Variants in MS4A15 observed in about 807,000 individuals in gnomAD.
MS4A15 encodes membrane spanning 4-domains A15, also known as membrane-spanning 4-domains subfamily A member 15.
A neutral mutation model predicts 20.6 loss-of-function variants in MS4A15; 22 were observed. The observed-to-expected ratio is 1.07, with a 90% CI of 0.76 to 1.52. The LOEUF is 1.52. MS4A15 is among the 40% of genes most tolerant of loss of function. MS4A15 has a pLI of 0.00. For missense variants in MS4A15, 312 were observed against 323.0 expected, an observed-to-expected ratio of 0.97 and a Z score of 0.26; for synonymous variants, 129 against 129.3, an observed-to-expected ratio of 1.00 and a Z score of 0.02.
Position 60,773,939 on chromosome 11 carries a change from C to G in MS4A15, c.601C>G (p.Gln201Glu). 1 of 1,613,650 alleles carries G rather than the reference C, an allele frequency of 6.2e-7. No individual in the cohort carries two copies. The highest frequency in any genetic ancestry group is 8.5e-7 in the Non-Finnish European group (1 of 1,179,640). The change falls in exon 6 of 7, where the codon CAG becomes GAG. Residue 201 changes from glutamine (Q) to glutamate (E), a missense_variant. Physicochemically the swap from Gln to Glu is conservative, Grantham distance 29. Transcript: ENST00000405633. ...MHFGCQAIHA[Q>E]ASAPVIFLPN... The stretch of plus-strand genomic sequence containing the variant: ...CTTCGGGTGCCAAGCCATCCATGCC[C>G]AGGCCAGTGCAGTGAGTACCCCCAC...
In MS4A15 at chr11:60,759,900, C is replaced by G. The variant is rs1034811714; in HGVS notation, c.-29+2842C>G. The stretch of plus-strand genomic sequence containing the variant: ...TGTTCACCCTGTTCTTCTGCCGCAC[C>G]CCCCATGCCAAGATAGTGAAAATAG... On this transcript the variant is annotated intron_variant, in intron 1 of 6. Transcript: ENST00000405633. Among the ~76,000 whole-genome samples the G allele has an allele frequency of 1.3e-5, 2 of 152,132 alleles. 1 individual carries two copies. The highest frequency in any genetic ancestry group is 4.1e-4 in the South Asian group (2 of 4,826).
chr11:60,767,017 A>T (rs1207543223), intron 2 of MS4A15, among the ~76,000 whole-genome samples: 3 of 152,224 alleles, frequency 2.0e-5, no homozygotes, highest in African/African-American at 7.2e-5. Context: ...CTGGGCATAG[A>T]CTAGTAGGGT....
intron 1 of MS4A15, among the ~76,000 whole-genome samples, chr11:60,759,437 G>C (rs1853675968): frequency 6.6e-6 from 1 of 152,226 alleles, no homozygotes; most frequent in Admixed American, 6.5e-5. Context: ...AGAAAGCCTG[G>C]GTGTTGTCCA....
chr11:60,762,452 T>C (rs1590975736), intron 1 of MS4A15, among the ~76,000 whole-genome samples: 1 of 152,312 alleles, frequency 6.6e-6, no homozygotes, highest in South Asian at 2.1e-4. Context: ...TTCCCACTCT[T>C]AAGTGTAAAT....
At chr11:60,770,112 C>T (rs1220022657) in intron 3 of MS4A15, among the ~76,000 whole-genome samples, 1 of 152,200 alleles carries the variant, frequency 6.6e-6, no homozygotes, top group Non-Finnish European at 1.5e-5. Flanking sequence ...ACATAGGTGC[C>T]ATGATGCAGG....
intron 1 of MS4A15, among the ~76,000 whole-genome samples, chr11:60,758,848 C>A (rs1184439700): frequency 1.3e-5 from 2 of 152,190 alleles, no homozygotes; most frequent in Non-Finnish European, 2.9e-5. Context: ...ACTGGAAGAG[C>A]AGCTACAGTG....
rs150680242 is a variant in MS4A15, at chr11:60,773,920, G to A, written c.582G>A (p.Gly194=). The A allele has an allele frequency of 1.5e-5, 25 of 1,613,952 alleles. No homozygotes were observed. In the South Asian group the frequency reaches 2.4e-4, roughly 16 times the overall value. Residue 194 remains glycine, a synonymous_variant, in exon 6 of 7, where the codon GGG becomes GGA. Transcript: ENST00000405633. ...FFTAVIAMHF[G]CQAIHAQASA... is the part of the protein sequence containing the mutation. ...CAGCGGTCATTGCCATGCACTTCGGGTGCCAAGCCATCCATGCCCAGGCCA... is the reference window on the plus strand; with the variant it reads ...CAGCGGTCATTGCCATGCACTTCGGATGCCAAGCCATCCATGCCCAGGCCA...
At chr11:60,760,260 T>G (rs1853704736) in intron 1 of MS4A15, among the ~76,000 whole-genome samples, 1 of 152,246 alleles carries the variant, frequency 6.6e-6, no homozygotes, top group South Asian at 2.1e-4. Flanking sequence ...GATCATGCTT[T>G]TTTTCCATCA....
chr11:60,775,709 C>T lies in MS4A15; in HGVS notation c.717C>T (p.Val239=). The T allele has an allele frequency of 6.2e-7, 1 of 1,612,806 alleles. No homozygotes were observed. The highest frequency in any genetic ancestry group is 8.5e-7 in the Non-Finnish European group (1 of 1,179,244). ...ACAATGTGGCATATGCCCAAGGAGT[C>T]GTCTGAGTAGCAGATGTGGCACCTG... The part of the protein sequence containing the change: ...AYDNVAYAQG[V]V Residue 239 remains valine, a synonymous_variant, in exon 7 of 7, where the codon GTC becomes GTT. Transcript: ENST00000405633.
intron 6 of MS4A15, among the ~76,000 whole-genome samples, chr11:60,774,735 C>A (rs1030746172): frequency 6.6e-6 from 1 of 152,190 alleles, no homozygotes; most frequent in East Asian, 1.9e-4. Flanking sequence ...GTGTTCAAGG[C>A]AGGGGAACCA....
intron 3 of MS4A15, among the ~76,000 whole-genome samples, chr11:60,769,449 G>C (rs1293861214): frequency 6.6e-6 from 1 of 152,218 alleles, no homozygotes; most frequent in Non-Finnish European, 1.5e-5. Flanking sequence ...TGCGGGTGCA[G>C]CCAGGCCTCC....
In MS4A15 at chr11:60,775,783, C is replaced by A. The variant is rs1044300450; in HGVS notation, c.*68C>A. 2.1e-5 allele frequency: 27 copies of A among 1,289,078 alleles called. No individual in the cohort carries two copies. Among genetic ancestry groups the A allele is most frequent in the Admixed American group, 5.8e-5 (3 of 51,458 alleles). The allele number at this position is 1,289,078 out of a possible 1,614,324, so 79.9% of individuals were successfully genotyped here. On this transcript the variant is annotated 3_prime_UTR_variant, in exon 7 of 7. Transcript: ENST00000405633. ...TCTGGGCCCAGCCTCTCCCCACCCC[C>A]ACCTTGTTCATCAGGGGCCAGCCCC...
chr11:60,763,944 C>G lies in MS4A15; in HGVS notation c.211C>G (p.Pro71Ala), dbSNP rs778901512. The change falls in exon 2 of 7, where the codon CCC becomes GCC. Residue 71 changes from proline to alanine, a missense_variant. By Grantham distance (27) the Pro-to-Ala change is conservative (BLOSUM62 -1). Transcript: ENST00000405633. ...RPVETFLTGE[P>A]KVLGTVQILI... Reference sequence around the variant, plus strand: ...CGTGGAGACATTCCTGACAGGAGAGCCCAAAGTTTTGGGGGTAAGAACAGC... The same window carrying G: ...CGTGGAGACATTCCTGACAGGAGAGGCCAAAGTTTTGGGGGTAAGAACAGC... 6.2e-7 allele frequency: 1 copy of G among 1,612,410 alleles called. No individual in the cohort carries two copies. Among genetic ancestry groups the G allele is most frequent in the East Asian group, 2.2e-5 (1 of 44,854 alleles).
chr11:60,772,921 C>T lies in MS4A15; in HGVS notation c.406-471C>T, dbSNP rs1473866611. ...CCAGTGTCTGCAGTGCCTCACTCCGCCAGCCACTTCCTGGAACCTCATAGA... is the reference window on the plus strand; with the variant it reads ...CCAGTGTCTGCAGTGCCTCACTCCGTCAGCCACTTCCTGGAACCTCATAGA... On this transcript the variant is annotated intron_variant, in intron 4 of 6. Coordinates refer to ENST00000405633, the MANE Select transcript of MS4A15 (RefSeq NM_001098835.2). Among the ~76,000 whole-genome samples the T allele has an allele frequency of 2.6e-5, 4 of 152,280 alleles. No homozygotes were observed. The East Asian group carries it at 7.7e-4, about 29-fold the overall frequency.
At chr11:60,770,084 G>C (rs1853994330) in intron 3 of MS4A15, among the ~76,000 whole-genome samples, 1 of 152,238 alleles carries the variant, frequency 6.6e-6, no homozygotes, top group Non-Finnish European at 1.5e-5. Flanking sequence ...ACCTCAGTGT[G>C]TCAGGCGACT....
chr11:60,766,659 C>A (rs149134304), intron 2 of MS4A15, among the ~76,000 whole-genome samples: 1 of 152,322 alleles, frequency 6.6e-6, no homozygotes, highest in African/African-American at 2.4e-5. Context: ...GAAAAAGAAG[C>A]TGAAGATTCA....
At chr11:60,764,423 G>T (rs1174055083) in intron 2 of MS4A15, among the ~76,000 whole-genome samples, 1 of 152,218 alleles carries the variant, frequency 6.6e-6, no homozygotes, top group Non-Finnish European at 1.5e-5. Flanking sequence ...CAAAGGAAAG[G>T]GGGAGGTGAG....
intron 2 of MS4A15, among the ~76,000 whole-genome samples, chr11:60,765,411 T>G (rs1853860192): frequency 6.6e-6 from 1 of 151,962 alleles, no homozygotes; most frequent in African/African-American, 2.4e-5. Flanking sequence ...GATTAAGCAA[T>G]GGTGATGATG....
At chr11:60,775,509 G>T (rs1854168728) in intron 6 of MS4A15, 96 bp from the exon 7 acceptor site, 5 of 920,132 alleles carry the variant, frequency 5.4e-6, no homozygotes, top group Non-Finnish European at 8.5e-6. Flanking sequence ...TCAGTACCAG[G>T]GCGCTGTTCT....
Sources: gnomAD v4.1 joint callset for allele counts (sites outside exome capture counted in the v4.1 genomes callset) on GRCh38, gnomAD v4.1.1 for gene constraint, MANE v1.5 for transcripts, NCBI Gene and HGNC (gene_info 2026-07-23, HGNC 2026-07-21) for gene names.